Variants in YJU2 observed in about 807,000 individuals in gnomAD.
YJU2 encodes splicing factor YJU2.
A neutral mutation model predicts 39.6 loss-of-function variants in YJU2; 28 were observed. The ratio of observed to expected loss-of-function variants is 0.71; its 90% CI spans 0.52 to 0.97. YJU2 has a LOEUF of 0.97. Ranked by LOEUF, YJU2 falls within the 50% of genes least tolerant of loss-of-function variation. The pLI is 0.00. For missense variants in YJU2, 328 were observed against 430.4 expected (o/e 0.76, Z 2.11); for synonymous variants, 184 against 182.4 (o/e 1.01, Z -0.07).
chr19:4,251,499 G>A (rs888596445), intron 3 of YJU2, among the ~76,000 whole-genome samples: 1 of 152,120 alleles, frequency 6.6e-6, no homozygotes, highest in African/African-American at 2.4e-5. Flanking sequence ...GACCACCCTA[G>A]CCAACATGGC....
chr19:4,262,946 C>A (rs985930437), intron 6 of YJU2, among the ~76,000 whole-genome samples: 1 of 151,582 alleles, frequency 6.6e-6, no homozygotes, highest in Non-Finnish European at 1.5e-5. Flanking sequence ...CAGTGGCTCA[C>A]GCTTGTAATC....
chr19:4,259,715 C>A (rs73528463), intron 5 of YJU2, among the ~76,000 whole-genome samples: 6 of 152,078 alleles, frequency 3.9e-5, no homozygotes, highest in African/African-American at 1.4e-4. Context: ...TCTGAGCCCG[C>A]GTGCTGATCC....
chr19:4,249,864 G>T (rs777563870), intron 2 of YJU2, among the ~76,000 whole-genome samples: 6 of 151,952 alleles, frequency 3.9e-5, no homozygotes, highest in African/African-American at 4.8e-5. Context: ...GCACCACCAC[G>T]CCCGGCTAAT....
Position 4,258,339 on chromosome 19 carries a change from A to T in YJU2, c.503A>T (p.Asp168Val). 6.3e-7 allele frequency: 1 copy of T among 1,588,472 alleles called. No individual in the cohort carries two copies. ...KDLNQRQAHV[D>V]FEAMLRQHRL... is the part of the protein sequence containing the mutation. Reference sequence around the variant, plus strand: ...CTGAACCAGCGGCAGGCGCACGTGGACTTCGAGGCTATGCTGAGGCAGCAC... The same window carrying T: ...CTGAACCAGCGGCAGGCGCACGTGGTCTTCGAGGCTATGCTGAGGCAGCAC... The change falls in exon 5 of 8, where the codon GAC becomes GTC. Residue 168 changes from aspartate to valine, a missense_variant. By Grantham distance (152) the Asp-to-Val change is radical. Transcript: ENST00000262962.
At chr19:4,250,837 A>G (rs1179232465) in intron 2 of YJU2, among the ~76,000 whole-genome samples, 190 bp from the exon 3 acceptor site, 3 of 152,114 alleles carry the variant, frequency 2.0e-5, no homozygotes, top group African/African-American at 7.2e-5. Flanking sequence ...CCAGGAAGAT[A>G]TGAATGAGAA....
chr19:4,268,476 G>A (rs1330496888), intron 7 of YJU2, 108 bp from the exon 8 acceptor site: 3 of 698,202 alleles, frequency 4.3e-6, no homozygotes, highest in Non-Finnish European at 7.4e-6. Flanking sequence ...CCATTCACAT[G>A]CTGTCACCTC....
chr19:4,261,576 G>C (rs60003768), intron 5 of YJU2, among the ~76,000 whole-genome samples: 1 of 152,046 alleles, frequency 6.6e-6, no homozygotes, highest in African/African-American at 2.4e-5. Context: ...CAGGAGAATC[G>C]CTTCAACCTG....
At chr19:4,251,267 A>G (rs1204349987) in intron 3 of YJU2, 96 bp downstream of exon 3, 1 of 1,177,266 alleles carries the variant, frequency 8.5e-7, no homozygotes. Context: ...CTCTCCATCC[A>G]GGGAATCTCA....
intron 1 of YJU2, among the ~76,000 whole-genome samples, chr19:4,248,889 AG>A (rs1392866096): frequency 6.6e-6 from 1 of 152,186 alleles, no homozygotes; most frequent in African/African-American, 2.4e-5. Flanking sequence ...ACTGGACTCC[AG>A]CCTGGGCAAC....
chr19:4,258,479 G>A (rs1007194011), intron 5 of YJU2, 56 bp downstream of exon 5: 15 of 1,527,668 alleles, frequency 9.8e-6, no homozygotes, highest in African/African-American at 1.4e-5. Context: ...CCCGGCAGGC[G>A]CTGCCTCTGC....
rs756315111 is a variant in YJU2 at position 4,268,860 on chromosome 19, C to T, written c.*164C>T. On this transcript the variant is annotated 3_prime_UTR_variant, in exon 8 of 8. Coordinates refer to ENST00000262962, the MANE Select transcript of YJU2 (RefSeq NM_018074.6). Reference sequence around the variant, plus strand: ...CATAGGGCCACCAGGGGCCTCAGCCCCAGGAGGTCCCTTCTCTGTGCCCTC... The same window carrying T: ...CATAGGGCCACCAGGGGCCTCAGCCTCAGGAGGTCCCTTCTCTGTGCCCTC... 45 of 603,860 alleles carry T rather than the reference C, an allele frequency of 7.5e-5. No individual in the cohort carries two copies. The highest frequency in any genetic ancestry group is 1.2e-4 in the Non-Finnish European group (41 of 339,990). 37.4% of individuals were successfully genotyped at this position (603,860 alleles called of 1,614,324 possible). A position where few individuals can be genotyped will look rare whatever the true frequency, so the allele number is the denominator to read the frequency against.
Position 4,247,268 on chromosome 19 carries a change from C to T in YJU2, c.24+98C>T, listed in dbSNP as rs569116849. The T allele has an allele frequency of 3.6e-4, 407 of 1,141,328 alleles. 1 individual carries two copies. The African/African-American group carries it at 5.9e-3, about 16-fold the overall frequency. The allele number at this position is 1,141,328 out of a possible 1,614,324, so 70.7% of individuals were successfully genotyped here. On this transcript the variant is annotated intron_variant, in intron 1 of 7. Transcript: ENST00000262962. ...CTGAGATCTCTTCTTTGGAACCCTT[C>T]TTTCCCAGCGGCCTTCCGCGAGATG...
At chr19:4,250,461 G>A (rs925561828) in intron 2 of YJU2, among the ~76,000 whole-genome samples, 1 of 152,122 alleles carries the variant, frequency 6.6e-6, no homozygotes, top group African/African-American at 2.4e-5. Context: ...AGAGCCCCTG[G>A]GGCAGTGGCG....
At chr19:4,258,939 T>C (rs936675034) in intron 5 of YJU2, among the ~76,000 whole-genome samples, 2 of 152,040 alleles carry the variant, frequency 1.3e-5, no homozygotes, top group South Asian at 4.1e-4. Flanking sequence ...CAGGAACAGC[T>C]GAAGCCCCAG....
intron 5 of YJU2, among the ~76,000 whole-genome samples, chr19:4,261,381 C>T (rs1971069243): frequency 6.6e-6 from 1 of 152,088 alleles, no homozygotes. Flanking sequence ...GTCCTAGCTG[C>T]TCGGTAGGCT....
intron 4 of YJU2, among the ~76,000 whole-genome samples, chr19:4,255,627 G>C (rs969632122): frequency 6.6e-6 from 1 of 151,796 alleles, no homozygotes; most frequent in Non-Finnish European, 1.5e-5. Context: ...TACTCGGGAG[G>C]CTGAGGCAGA....
intron 2 of YJU2, 32 bp downstream of exon 2, chr19:4,249,360 GTCAT>G: frequency 6.9e-7 from 1 of 1,450,400 alleles, no homozygotes; most frequent in South Asian, 1.2e-5. Flanking sequence ...CCACACACCA[GTCAT>G]GGCTGAAGGA....
At chr19:4,256,181 A>AAAAAAT (rs1001505791) in intron 4 of YJU2, among the ~76,000 whole-genome samples, 138 of 125,870 alleles carry the variant, frequency 1.1e-3, no homozygotes, top group African/African-American at 4.1e-3. Flanking sequence ...AAAAAAAAAA[A>AAAAAAT]ATATATATAT....
chr19:4,247,598 T>TGGC (rs1599494493), intron 1 of YJU2, among the ~76,000 whole-genome samples: 5 of 5,426 alleles, frequency 9.2e-4, no homozygotes, highest in East Asian at 3.9e-3. Context: ...TGTGTGTGTG[T>TGGC]GTGTGTGTGT....
Sources: gnomAD v4.1 joint callset for allele counts (sites outside exome capture counted in the v4.1 genomes callset) on GRCh38, gnomAD v4.1.1 for gene constraint, MANE v1.5 for transcripts, NCBI Gene and HGNC (gene_info 2026-07-23, HGNC 2026-07-21) for gene names.